The following ADCY4 variants were observed in gnomAD, a reference collection of about 807,000 sequenced individuals.
ADCY4 encodes the protein adenylate cyclase 4, also known as adenylate cyclase type 4.
ADCY4 carries 111 observed loss-of-function variants against 125.5 expected under a neutral mutation model. The ratio of observed to expected loss-of-function variants is 0.88; its 90% confidence interval spans 0.76 to 1.04. The LOEUF is 1.04. Ranked by LOEUF, ADCY4 falls within the 50% of genes least tolerant of loss-of-function variation. The pLI is 0.00. For synonymous variants in ADCY4, 576 were observed against 586.9 expected (o/e 0.98, Z 0.27); for missense variants, 1,256 against 1,382.9 (o/e 0.91, Z 1.46).
rs750690966 is a variant in ADCY4 at position 24,329,981 on chromosome 14, G to A, written c.1096C>T (p.Arg366Cys). ...ACGCTGCCTGAGTGCACGCCCACAC[G>A]CATGTTGATGTCCACGCCAGTGGCT... ...RAATGVDINM[R>C]VGVHSGSVLC... Residue 366 changes from arginine (R) to cysteine (C), a missense_variant, in exon 8 of 25, where the codon CGT becomes TGT. Transcript: ENST00000418030. 1.9e-5 allele frequency: 30 copies of A among 1,613,926 alleles called. No individual in the cohort carries two copies. Among genetic ancestry groups the A allele is most frequent in the South Asian group, 7.7e-5 (7 of 91,088 alleles).
intron 10 of ADCY4, chr14:24,328,850 G>A (rs1594663270): frequency 6.4e-6 from 4 of 627,846 alleles, no homozygotes; most frequent in Non-Finnish European, 1.1e-5. Context: ...TATCTTCTCT[G>A]AGGTGAGCTG....
rs1459882255 is a variant in ADCY4 at position 24,323,975 on chromosome 14, GC to G, written c.2046+86del. On this transcript the variant is annotated intron_variant, in intron 16 of 24. Transcript: ENST00000418030. Reference sequence around the variant, plus strand: ...AGCATCCCCTGGGCTTAGTCCAGCTGCCTGCCCAAATCCAGGGGTTCCCTTT... The same window carrying G: ...AGCATCCCCTGGGCTTAGTCCAGCTGCTGCCCAAATCCAGGGGTTCCCTTT... 2.6e-6 allele frequency: 4 copies of G among 1,525,800 alleles called. No homozygotes were observed. The African/African-American group carries it at 5.5e-5, about 21-fold the overall frequency. The allele number at this position is 1,525,800 out of a possible 1,614,324, so 94.5% of individuals were successfully genotyped here.
At chr14:24,325,351 G>T (rs555418282) in intron 14 of ADCY4, 26 bp downstream of exon 14, 1 of 1,594,478 alleles carries the variant, frequency 6.3e-7, no homozygotes, top group Non-Finnish European at 8.6e-7. Context: ...GACAGCCAGG[G>T]CCTCCTTTGC....
At position 24,321,265 on chromosome 14, in the gene ADCY4, A is replaced by T. The variant is rs1464613291; in HGVS notation, c.2586+801T>A. On this transcript the variant is annotated intron_variant, in intron 20 of 24. Coordinates refer to ENST00000418030, the MANE Select transcript of ADCY4 (RefSeq NM_001198568.2). ...GTCTCTACTAAAAAAAAAAAATATAAAAAAAATTAGCCAGGCATGGTGGCA... is the reference window on the plus strand; with the variant it reads ...GTCTCTACTAAAAAAAAAAAATATATAAAAAATTAGCCAGGCATGGTGGCA... Among the ~76,000 whole-genome samples the T allele has an allele frequency of 7.4e-5, 11 of 148,186 alleles. No individual in the cohort carries two copies. The South Asian group carries it at 9.2e-4, about 12-fold the overall frequency.
intron 6 of ADCY4, chr14:24,330,791 G>T: frequency 1.9e-6 from 1 of 536,038 alleles, no homozygotes; most frequent in African/African-American, 1.9e-5. Flanking sequence ...ATTGTACTTG[G>T]GACATCTGTG....
At position 24,319,265 on chromosome 14, in the gene ADCY4, C is replaced by G. The variant is rs562437728; in HGVS notation, c.2842-53G>C. On this transcript the variant is annotated intron_variant, in intron 22 of 24. Coordinates refer to ENST00000418030, the MANE Select transcript of ADCY4 (RefSeq NM_001198568.2). The surrounding 1 kb of genome is among the most constrained non-coding windows in gnomAD (Gnocchi z 4.5). ...GGCCAGTGAGGGCACAGGAATAAGT[C>G]CCACTAATAAGCCCATCAATGAGAG... 1 of 1,612,552 alleles carries G rather than the reference C, an allele frequency of 6.2e-7. No individual in the cohort carries two copies. The highest frequency in any genetic ancestry group is 2.2e-5 in the East Asian group (1 of 44,866).
At chr14:24,325,915 AG>A (rs749553466) in intron 12 of ADCY4, 28 bp from the exon 13 acceptor site, 160 of 1,576,378 alleles carry the variant, frequency 1.0e-4, no homozygotes, top group Non-Finnish European at 1.3e-4. Flanking sequence ...GGTGGGTGAA[AG>A]CACCAGAGAA....
At chr14:24,334,425 ACC>A (rs1179223832) in intron 1 of ADCY4, 67 bp downstream of exon 1, 49 of 1,468,106 alleles carry the variant, frequency 3.3e-5, no homozygotes, top group Non-Finnish European at 4.0e-5. Flanking sequence ...CGAAAAGAAG[ACC>A]CCACAAACCC....
rs140776899 is a variant in ADCY4 at position 24,330,199 on chromosome 14, G to A, written c.1027C>T (p.Arg343Cys). Reference sequence around the variant, plus strand: ...GCCCGGCACATGTCCAGGCCCATGCGCACGCAGTTGATGGCATGGTCTGGC... The same window carrying A: ...GCCCGGCACATGTCCAGGCCCATGCACACGCAGTTGATGGCATGGTCTGGC... ...SLPDHAINCV[R>C]MGLDMCRAIR... The change falls in exon 7 of 25, where the codon CGC becomes TGC. Residue 343 changes from arginine (R) to cysteine (C), a missense_variant. By Grantham distance (180) the Arg-to-Cys change is radical. Transcript: ENST00000418030. 3.8e-5 allele frequency: 62 copies of A among 1,614,040 alleles called. No individual in the cohort carries two copies. Among genetic ancestry groups the A allele is most frequent in the Non-Finnish European group, 4.7e-5 (55 of 1,180,034 alleles).
chr14:24,325,742 C>T (rs1166093975), intron 13 of ADCY4, 76 bp downstream of exon 13: 1 of 1,519,154 alleles, frequency 6.6e-7, no homozygotes, highest in Non-Finnish European at 8.9e-7. Context: ...GGGAGGAGAC[C>T]CAAGGGCTGA....
Position 24,319,567 on chromosome 14 carries a change from G to A in ADCY4, c.2734-131C>T. The A allele has an allele frequency of 4.1e-6, 5 of 1,216,572 alleles. No individual in the cohort carries two copies. The highest frequency in any genetic ancestry group is 5.9e-6 in the Non-Finnish European group (5 of 845,872). 75.4% of individuals were successfully genotyped at this position (1,216,572 alleles called of 1,614,324 possible). A position where few individuals can be genotyped will look rare whatever the true frequency, so the allele number is the denominator to read the frequency against. On this transcript the variant is annotated intron_variant, in intron 21 of 24. Transcript: ENST00000418030. This position sits in a 1 kb window ranked among gnomAD's most constrained non-coding sequence, Gnocchi z 4.5. ...GTGGAGATAGTGTCAGGAAGGAGAG[G>A]GTTGGTGGTGGGCAGTGTTGCTGGA...
At position 24,318,406 on chromosome 14, in the gene ADCY4, G is replaced by T. The variant is rs753111349; in HGVS notation, c.*10C>A. 4.3e-6 allele frequency: 7 copies of T among 1,613,364 alleles called. No individual in the cohort carries two copies. Among genetic ancestry groups the T allele is most frequent in the Non-Finnish European group, 5.9e-6 (7 of 1,179,602 alleles). ...CTCTTTATTGAGGTTCTTAGAAGGC[G>T]AGTGCAATCTCAGCCTAGGGTAGCT... On this transcript the variant is annotated 3_prime_UTR_variant, in exon 25 of 25. Transcript: ENST00000418030.
rs770448452 is a variant in ADCY4, at chr14:24,324,283, C to A, written c.1908+24G>T. 3.7e-6 allele frequency: 6 copies of A among 1,613,968 alleles called. No individual in the cohort carries two copies. In the African/African-American group the frequency reaches 4.0e-5, roughly 11 times the overall value. ...TTGTGACCAGGGCTCCGGCATACCA[C>A]TTCCACCCCTCAGCCCACCTCACCA... On this transcript the variant is annotated intron_variant, in intron 15 of 24. Coordinates refer to ENST00000418030, the MANE Select transcript of ADCY4 (RefSeq NM_001198568.2).
rs1046392654 is a variant in ADCY4 at position 24,334,675 on chromosome 14, G to T, written c.-23C>A. ...CATGATCTCCCCAGCCCCGAGCCCC[G>T]GGGCTGGCTAGGGCCGGGCGCCGGG... is the stretch of plus-strand genomic sequence containing the variant. On this transcript the variant is annotated 5_prime_UTR_variant, in exon 1 of 25. Coordinates refer to ENST00000418030, the MANE Select transcript of ADCY4 (RefSeq NM_001198568.2). 1 of 1,521,262 alleles carries T rather than the reference G, an allele frequency of 6.6e-7. No homozygotes were observed. Among genetic ancestry groups the T allele is most frequent in the Non-Finnish European group, 8.8e-7 (1 of 1,137,038 alleles). The allele number at this position is 1,521,262 out of a possible 1,614,324, so 94.2% of individuals were successfully genotyped here.
In ADCY4 at chr14:24,334,824, C is replaced by T; in HGVS notation, c.-172G>A. 1 of 590,070 alleles carries T rather than the reference C, an allele frequency of 1.7e-6. No homozygotes were observed. Among genetic ancestry groups the T allele is most frequent in the South Asian group, 2.1e-5 (1 of 47,874 alleles). 36.6% of individuals were successfully genotyped at this position (590,070 alleles called of 1,614,324 possible). ...TTTTCAGGCCCTCCCTGCGGCCTCC[C>T]AGCCCGCTCCCAGCTGGCGATGAGG... is the stretch of plus-strand genomic sequence containing the variant. On this transcript the variant is annotated 5_prime_UTR_variant, in exon 1 of 25. Transcript: ENST00000418030.
At chr14:24,332,464 G>A (rs2042056998) in intron 3 of ADCY4, 58 bp downstream of exon 3, 1 of 1,519,966 alleles carries the variant, frequency 6.6e-7, no homozygotes, top group South Asian at 1.2e-5. Context: ...CCTAAAAGGA[G>A]CCTACTAGCA....
intron 20 of ADCY4, among the ~76,000 whole-genome samples, chr14:24,321,092 CTTTT>C (rs113506596): frequency 6.7e-5 from 8 of 120,230 alleles, no homozygotes; most frequent in Non-Finnish European, 7.1e-5. Context: ...AATTGCATTT[CTTTT>C]TTTTTTTTTT....
At chr14:24,332,729 A>G in intron 2 of ADCY4, 46 bp from the exon 3 acceptor site, 2 of 1,555,408 alleles carry the variant, frequency 1.3e-6, no homozygotes, top group Non-Finnish European at 1.7e-6. Context: ...GGGGCTATTC[A>G]AGGCCTGGTG....
chr14:24,334,370 G>A, intron 1 of ADCY4, 124 bp downstream of exon 1: 1 of 1,429,436 alleles, frequency 7.0e-7, no homozygotes. Flanking sequence ...TCCTAGCCAG[G>A]CTCAATGGTC....
Sources: gnomAD v4.1 joint callset for allele counts (sites outside exome capture counted in the v4.1 genomes callset) on GRCh38, gnomAD v4.1.1 for gene constraint, Gnocchi (gnomAD v3.1) non-coding constraint, MANE v1.5 for transcripts, NCBI Gene and HGNC (gene_info 2026-07-23, HGNC 2026-07-21) for gene names.